Variants in LMTK2 observed in about 807,000 individuals in gnomAD.
LMTK2 encodes lemur tail kinase 2.
LMTK2 carries 37 observed loss-of-function variants against 127.5 expected under a neutral mutation model. The observed-to-expected ratio is 0.29, with a 90% CI of 0.22 to 0.38. The LOEUF is 0.38. Among genes scored for constraint, LMTK2 ranks in the 10% least tolerant of loss-of-function variants. The pLI is 1.00. For synonymous variants in LMTK2, 819 were observed against 810.1 expected (o/e 1.01, Z -0.19); for missense variants, 1,694 against 1,920.3 (o/e 0.88, Z 2.20).
intron 4 of LMTK2, among the ~76,000 whole-genome samples, chr7:98,153,051 C>T (rs1796879555): frequency 6.6e-6 from 1 of 152,274 alleles, no homozygotes; most frequent in East Asian, 1.9e-4. Flanking sequence ...ACAGACACTG[C>T]AGGAGAGGCA....
At chr7:98,178,459 C>T (rs1361332721) in intron 7 of LMTK2, among the ~76,000 whole-genome samples, 1 of 152,184 alleles carries the variant, frequency 6.6e-6, no homozygotes, top group Non-Finnish European at 1.5e-5. Flanking sequence ...CCCTGAGTCT[C>T]ATGGTTACTG....
At chr7:98,119,295 C>T (rs1796329888) in intron 1 of LMTK2, among the ~76,000 whole-genome samples, 1 of 152,082 alleles carries the variant, frequency 6.6e-6, no homozygotes, top group Non-Finnish European at 1.5e-5. Context: ...AATCTGTTGA[C>T]TTGTGTAACT....
intron 7 of LMTK2, among the ~76,000 whole-genome samples, chr7:98,179,328 A>C (rs1454592067): frequency 6.6e-6 from 1 of 152,190 alleles, no homozygotes; most frequent in Non-Finnish European, 1.5e-5. Context: ...CCCCTGGCCT[A>C]GCAGGATGCG....
At chr7:98,165,463 GATTTTATTCTA>G (rs1158401168) in intron 6 of LMTK2, among the ~76,000 whole-genome samples, 3 of 152,260 alleles carry the variant, frequency 2.0e-5, no homozygotes, top group East Asian at 3.9e-4. Context: ...CGGGTGGCTT[GATTTTATTCTA>G]ATTTTATTCT....
At chr7:98,162,931 G>C (rs969108845) in intron 6 of LMTK2, among the ~76,000 whole-genome samples, 1 of 152,198 alleles carries the variant, frequency 6.6e-6, no homozygotes, top group African/African-American at 2.4e-5. Flanking sequence ...TGCTCTCTCT[G>C]TGCAATGGAG....
At chr7:98,118,748 G>A (rs771872889) in intron 1 of LMTK2, among the ~76,000 whole-genome samples, 1 of 152,132 alleles carries the variant, frequency 6.6e-6, no homozygotes, top group Non-Finnish European at 1.5e-5. Flanking sequence ...AAGTAAGTGT[G>A]TTTTTATAAA....
chr7:98,170,717 A>G (rs940457601), intron 6 of LMTK2, among the ~76,000 whole-genome samples: 1 of 152,158 alleles, frequency 6.6e-6, no homozygotes, highest in Admixed American at 6.5e-5. Flanking sequence ...AATATGGAAG[A>G]TTTTATTCCC....
At position 98,192,517 on chromosome 7, in the gene LMTK2, C is replaced by A; in HGVS notation, c.2052C>A (p.His684Gln). 1.2e-6 allele frequency: 2 copies of A among 1,610,666 alleles called. No individual in the cohort carries two copies. Among genetic ancestry groups the A allele is most frequent in the Non-Finnish European group, 1.7e-6 (2 of 1,179,260 alleles). ...CCAAAGAGTCAGTCATAACAGGCCA[C>A]TTTGAGAAAGAAAAGCCCCGTAAGA... The part of the protein sequence containing the change: ...DNPKESVITG[H>Q]FEKEKPRKIF... The change falls in exon 11 of 14, where the codon CAC becomes CAA. Residue 684 changes from histidine to glutamine, a missense_variant. Physicochemically the swap from His to Gln is conservative, Grantham distance 24. This residue lies in a region of LMTK2 where 527 missense variants were observed against 539.8 expected (regional missense o/e 0.98). Coordinates refer to ENST00000297293, the MANE Select transcript of LMTK2 (RefSeq NM_014916.4).
rs185717590 is a variant in LMTK2, at chr7:98,186,149, C to T, written c.877-728C>T. Among the ~76,000 whole-genome samples the T allele has an allele frequency of 1.2e-3, 188 of 151,644 alleles. 1 individual carries two copies. The highest frequency in any genetic ancestry group is 5.5e-3 in the East Asian group (28 of 5,128). On this transcript the variant is annotated intron_variant, in intron 8 of 13. Coordinates refer to ENST00000297293, the MANE Select transcript of LMTK2 (RefSeq NM_014916.4). The stretch of plus-strand genomic sequence containing the variant: ...CGCGATCTCGGCTCACTGCAACCTC[C>T]GCCTCCCGGGTTCAAGCGATTCTCC...
intron 3 of LMTK2, among the ~76,000 whole-genome samples, chr7:98,149,320 T>C (rs189935807): frequency 6.6e-6 from 1 of 152,316 alleles, no homozygotes; most frequent in East Asian, 1.9e-4. Flanking sequence ...TACAAAGATA[T>C]TCTACCCTGT....
At chr7:98,158,451 CTT>C (rs1382989881) in intron 5 of LMTK2, among the ~76,000 whole-genome samples, 1 of 152,084 alleles carries the variant, frequency 6.6e-6, no homozygotes, top group East Asian at 1.9e-4. Context: ...GTTTTTCTGT[CTT>C]TTGTACAGAT....
intron 1 of LMTK2, among the ~76,000 whole-genome samples, chr7:98,124,513 T>G (rs1349449912): frequency 6.6e-6 from 1 of 151,778 alleles, no homozygotes; most frequent in Non-Finnish European, 1.5e-5. Context: ...TAGCCAAGGG[T>G]GGTGGCCCAT....
At chr7:98,122,207 T>TTTTCCTTTCCAACTTTCGTTTTTG (rs1796373390) in intron 1 of LMTK2, among the ~76,000 whole-genome samples, 2 of 152,162 alleles carry the variant, frequency 1.3e-5, no homozygotes, top group African/African-American at 4.8e-5. Flanking sequence ...ACTCCTTTTT[T>TTTTCCTTTCCAACTTTCGTTTTTG]TTTCCTTTCC....
rs372074481 is a variant in LMTK2 at position 98,141,394 on chromosome 7, T to A, written c.232-3T>A. 3.7e-6 allele frequency: 6 copies of A among 1,613,000 alleles called. No homozygotes were observed. Among genetic ancestry groups the A allele is most frequent in the Non-Finnish European group, 5.1e-6 (6 of 1,179,014 alleles). On this transcript the variant is annotated splice_region_variant and splice_polypyrimidine_tract_variant and intron_variant, in intron 2 of 13. Coordinates refer to ENST00000297293, the MANE Select transcript of LMTK2 (RefSeq NM_014916.4). The stretch of plus-strand genomic sequence containing the variant: ...TTTTAATGCTTGCTCTCTTTCATTT[T>A]AGGAATTTGAAGATAATTTTGATGA...
rs776656951 is a variant in LMTK2, at chr7:98,171,546, C to T, written c.663C>T (p.Asp221=). 1 of 1,614,036 alleles carries T rather than the reference C, an allele frequency of 6.2e-7. No individual in the cohort carries two copies. The highest frequency in any genetic ancestry group is 8.5e-7 in the Non-Finnish European group (1 of 1,180,046). ...LLVFEFCDLG[D]LKAYLRSEQE... is the part of the protein sequence containing the mutation. ...ACACGGGCTGACTTTTGCAGGGTGA[C>T]CTGAAGGCGTATCTGCGCAGCGAGC... is the stretch of plus-strand genomic sequence containing the variant. The change falls in exon 7 of 14, where the codon GAC becomes GAT. Residue 221 remains aspartate (D), a synonymous_variant. Coordinates refer to ENST00000297293, the MANE Select transcript of LMTK2 (RefSeq NM_014916.4). This position sits in a 1 kb window ranked among gnomAD's most constrained non-coding sequence, Gnocchi z 5.1.
intron 9 of LMTK2, 29 bp downstream of exon 9, chr7:98,187,027 C>T (rs775033390): frequency 1.9e-6 from 3 of 1,591,282 alleles, no homozygotes; most frequent in Non-Finnish European, 2.6e-6. Context: ...TTTTATTAGT[C>T]ATTTCTTTGG....
chr7:98,114,968 A>G (rs1345798567), intron 1 of LMTK2, among the ~76,000 whole-genome samples: 1 of 152,128 alleles, frequency 6.6e-6, no homozygotes, highest in Non-Finnish European at 1.5e-5. Flanking sequence ...GTGGAGCAAG[A>G]TGTTTCATGG....
Position 98,194,472 on chromosome 7 carries a change from C to T in LMTK2, c.4007C>T (p.Pro1336Leu), listed in dbSNP as rs369909704. 1 of 1,614,016 alleles carries T rather than the reference C, an allele frequency of 6.2e-7. No individual in the cohort carries two copies. The highest frequency in any genetic ancestry group is 1.7e-5 in the Admixed American group (1 of 60,030). The change falls in exon 11 of 14, where the codon CCC becomes CTC. Residue 1336 changes from proline (P) to leucine (L), a missense_variant. Physicochemically the swap from Pro to Leu is moderately conservative, Grantham distance 98. Around this residue, in one of 8 missense-constraint regions of LMTK2, gnomAD observed 554 missense variants for 567.7 expected, o/e 0.98. Coordinates refer to ENST00000297293, the MANE Select transcript of LMTK2 (RefSeq NM_014916.4). The surrounding 1 kb of genome is among the most constrained non-coding windows in gnomAD (Gnocchi z 5.4). ...DGRHLRSLLK[P>L]TAANAPDPLP... is the part of the protein sequence containing the mutation. Reference sequence around the variant, plus strand: ...AGGCACCTGCGGAGTCTGTTGAAGCCCACAGCGGCCAATGCCCCCGACCCA... The same window carrying T: ...AGGCACCTGCGGAGTCTGTTGAAGCTCACAGCGGCCAATGCCCCCGACCCA...
intron 3 of LMTK2, among the ~76,000 whole-genome samples, chr7:98,144,569 C>T (rs114535412): frequency 1.6e-3 from 242 of 152,152 alleles, no homozygotes; most frequent in African/African-American, 5.5e-3. Flanking sequence ...ACACCTTTCT[C>T]GAATTTGTTG....
Sources: gnomAD v4.1 joint callset for allele counts (sites outside exome capture counted in the v4.1 genomes callset) on GRCh38, gnomAD v4.1.1 for gene constraint, gnomAD v4.1.1 regional missense constraint, Gnocchi (gnomAD v3.1) non-coding constraint, MANE v1.5 for transcripts, NCBI Gene and HGNC (gene_info 2026-07-23, HGNC 2026-07-21) for gene names.